Variants in BRAF observed in about 807,000 individuals in gnomAD.
BRAF encodes the protein serine/threonine-protein kinase B-raf.
In BRAF, 16 loss-of-function variants were observed where a neutral mutation model predicts 104.6. That is an observed-to-expected ratio of 0.15 (90% CI 0.10 to 0.23). The LOEUF (loss-of-function observed/expected upper bound fraction) is 0.23. BRAF is among the 10% of genes least tolerant of loss of function. The pLI, the probability that BRAF is intolerant of heterozygous loss-of-function variation, is 1.00. For synonymous variants in BRAF, 310 were observed against 341.6 expected, an observed-to-expected ratio of 0.91 and a Z score of 1.02; for missense variants, 541 against 937.3, an observed-to-expected ratio of 0.58 and a Z score of 5.52.
At position 140,812,562 on chromosome 7, in the gene BRAF, T is replaced by C. The variant is rs74513933; in HGVS notation, c.505-3567A>G. Among the ~76,000 whole-genome samples, 3 of 152,284 alleles carry C rather than the reference T, an allele frequency of 2.0e-5. No individual in the cohort carries two copies. In the East Asian group the frequency reaches 5.8e-4, roughly 29 times the overall value. ...GATCCTAAGTTGCATATATATTTCA[T>C]CAACAGGCAAAAATTTGGTTTTCTG... On this transcript the variant is annotated intron_variant, in intron 3 of 19. Transcript: ENST00000644969.
chr7:140,881,857 A>G (rs1812958459), intron 1 of BRAF, among the ~76,000 whole-genome samples: 1 of 152,212 alleles, frequency 6.6e-6, no homozygotes, highest in African/African-American at 2.4e-5. Flanking sequence ...GATCACACAC[A>G]ATATTTACTG....
intron 1 of BRAF, among the ~76,000 whole-genome samples, chr7:140,905,906 G>T (rs1816250891): frequency 1.3e-5 from 2 of 150,348 alleles, no homozygotes; most frequent in African/African-American, 2.5e-5. Flanking sequence ...GGCTAAAACG[G>T]TGAAACCCCG....
At chr7:140,780,477 G>C (rs1800764461) in intron 12 of BRAF, 1 of 151,858 alleles carries the variant, frequency 6.6e-6, no homozygotes, top group African/African-American at 2.4e-5. Context: ...CCTGACCTTG[G>C]GTGATCCACC....
chr7:140,920,435 C>T lies in BRAF; in HGVS notation c.138+4131G>A, dbSNP rs138670917. Among the ~76,000 whole-genome samples the T allele has an allele frequency of 3.2e-3, 495 of 152,332 alleles. 3 individuals carry two copies. Among genetic ancestry groups the T allele is most frequent in the African/African-American group, 0.011 (473 of 41,576 alleles). Reference sequence around the variant, plus strand: ...TATTCCCTCCCTCTCTTCCCCATCACTCATGGAACACAGGTTTCCAGCTGC... The same window carrying T: ...TATTCCCTCCCTCTCTTCCCCATCATTCATGGAACACAGGTTTCCAGCTGC... On this transcript the variant is annotated intron_variant, in intron 1 of 19. Transcript: ENST00000644969.
chr7:140,725,146 A>T lies in BRAF; in HGVS notation c.*1348T>A. On this transcript the variant is annotated 3_prime_UTR_variant, in exon 20 of 20. Coordinates refer to ENST00000644969, the MANE Select transcript of BRAF (RefSeq NM_001374258.1). ...AAAAAGGAAGAAGGAGAATGAATGG[A>T]GACGCCACCATTTTTATTTTAGGTT... 9.6e-7 allele frequency: 1 copy of T among 1,042,870 alleles called. No homozygotes were observed. Among genetic ancestry groups the T allele is most frequent in the Non-Finnish European group, 1.2e-6 (1 of 865,086 alleles). 64.6% of individuals were successfully genotyped at this position (1,042,870 alleles called of 1,614,324 possible).
chr7:140,884,473 G>GTC (rs1813326172), intron 1 of BRAF, among the ~76,000 whole-genome samples: 1 of 132,314 alleles, frequency 7.6e-6, no homozygotes, highest in South Asian at 2.5e-4. Context: ...GTGTGTGTGT[G>GTC]TGTATAAAAA....
In BRAF at chr7:140,723,191, G is replaced by C; in HGVS notation, c.*3303C>G. On this transcript the variant is annotated 3_prime_UTR_variant, in exon 20 of 20. Transcript: ENST00000644969. ...TGTACAGTGGGGACAGGTGAGATCT[G>C]AGGAGGATGTGCAGCAGCTCGCACT... The C allele has an allele frequency of 5.7e-6, 6 of 1,054,658 alleles. No individual in the cohort carries two copies. Among genetic ancestry groups the C allele is most frequent in the Non-Finnish European group, 6.9e-6 (6 of 872,716 alleles). The allele number at this position is 1,054,658 out of a possible 1,614,324, so 65.3% of individuals were successfully genotyped here.
intron 1 of BRAF, among the ~76,000 whole-genome samples, chr7:140,854,850 CAGG>C (rs370938909): frequency 4.7e-4 from 71 of 152,222 alleles, no homozygotes; most frequent in African/African-American, 1.6e-3. Context: ...GAGGCTGAGG[CAGG>C]AGAATCACTG....
At chr7:140,848,069 G>A (rs776166158) in intron 2 of BRAF, among the ~76,000 whole-genome samples, 1 of 152,104 alleles carries the variant, frequency 6.6e-6, no homozygotes, top group East Asian at 1.9e-4. Context: ...GTTCAATTTT[G>A]TGTGTCTAAT....
At chr7:140,830,659 T>A (rs1435569206) in intron 3 of BRAF, among the ~76,000 whole-genome samples, 1 of 152,026 alleles carries the variant, frequency 6.6e-6, no homozygotes, top group Non-Finnish European at 1.5e-5. Context: ...CTCTGAGAAG[T>A]GGGGAGGTCG....
chr7:140,719,510 C>T lies in BRAF; in HGVS notation c.*6984G>A, dbSNP rs766779631. The T allele has an allele frequency of 3.1e-4, 323 of 1,033,140 alleles. No homozygotes were observed. Among genetic ancestry groups the T allele is most frequent in the South Asian group, 4.7e-4 (10 of 21,480 alleles). The allele number at this position is 1,033,140 out of a possible 1,614,324, so 64.0% of individuals were successfully genotyped here. A position where few individuals can be genotyped will look rare whatever the true frequency, so the allele number is the denominator to read the frequency against. On this transcript the variant is annotated 3_prime_UTR_variant, in exon 20 of 20. Transcript: ENST00000644969. ...CTCCATGCTTTCTATCCAAACTGAA[C>T]AATATTTTCTGTTATACAAATTTAC...
chr7:140,800,733 C>T (rs1803013112), intron 6 of BRAF, among the ~76,000 whole-genome samples: 1 of 152,060 alleles, frequency 6.6e-6, no homozygotes, highest in Non-Finnish European at 1.5e-5. Context: ...GAAAATCATG[C>T]TTTATGGTTA....
chr7:140,914,978 G>T (rs868372172), intron 1 of BRAF, among the ~76,000 whole-genome samples: 3 of 44,108 alleles, frequency 6.8e-5, no homozygotes, highest in South Asian at 1.8e-3. Context: ...GGGGGGGGGG[G>T]GCGGAGGTTG....
At position 140,720,757 on chromosome 7, in the gene BRAF, T is replaced by C; in HGVS notation, c.*5737A>G. 9.4e-7 allele frequency: 1 copy of C among 1,066,060 alleles called. No individual in the cohort carries two copies. The highest frequency in any genetic ancestry group is 1.1e-6 in the Non-Finnish European group (1 of 879,760). The allele number at this position is 1,066,060 out of a possible 1,614,324, so 66.0% of individuals were successfully genotyped here. The stretch of plus-strand genomic sequence containing the variant: ...GTTTGCAGTGACTTCCAACTCATAC[T>C]CCACCAAAACACACGTGGGTTCAAA... On this transcript the variant is annotated 3_prime_UTR_variant, in exon 20 of 20. Transcript: ENST00000644969.
At chr7:140,797,529 T>C (rs1802616150) in intron 7 of BRAF, among the ~76,000 whole-genome samples, 1 of 152,200 alleles carries the variant, frequency 6.6e-6, no homozygotes, top group South Asian at 2.1e-4. Flanking sequence ...AGTTATGTCA[T>C]AAAAACATCA....
At chr7:140,774,514 C>G (rs914360651) in intron 14 of BRAF, among the ~76,000 whole-genome samples, 2 of 152,178 alleles carry the variant, frequency 1.3e-5, no homozygotes, top group Non-Finnish European at 2.9e-5. Context: ...GCATGAGCCA[C>G]TACACCCAGC....
rs71645986 is a variant in BRAF, at chr7:140,776,458, T to A, written c.1814+454A>T. On this transcript the variant is annotated intron_variant, in intron 14 of 19. Coordinates refer to ENST00000644969, the MANE Select transcript of BRAF (RefSeq NM_001374258.1). ...CAAAATTCAACAGATAGGAACTCACTCTGAAATCCTCAAAAAGGGTCAGAA... is the reference window on the plus strand; with the variant it reads ...CAAAATTCAACAGATAGGAACTCACACTGAAATCCTCAAAAAGGGTCAGAA... Among the ~76,000 whole-genome samples the A allele has an allele frequency of 3.6e-3, 548 of 152,282 alleles. 6 individuals are homozygous for A. The highest frequency in any genetic ancestry group is 0.013 in the African/African-American group (520 of 41,564).
chr7:140,813,817 G>A (rs148185720), intron 3 of BRAF, among the ~76,000 whole-genome samples: 138 of 152,046 alleles, frequency 9.1e-4, no homozygotes, highest in Middle Eastern at 6.8e-3. Context: ...TTGTACTTAT[G>A]TCTATATTTT....
intron 5 of BRAF, among the ~76,000 whole-genome samples, chr7:140,804,466 A>G (rs1803458000): frequency 6.6e-6 from 1 of 151,628 alleles, no homozygotes. Context: ...CCACTCTTCA[A>G]TATTTTGTAT....
Sources: gnomAD v4.1 joint callset for allele counts (sites outside exome capture counted in the v4.1 genomes callset) on GRCh38, gnomAD v4.1.1 for gene constraint, MANE v1.5 for transcripts, NCBI Gene and HGNC (gene_info 2026-07-23, HGNC 2026-07-21) for gene names.